The following KATNBL1 variants were observed in gnomAD, a reference collection of about 807,000 sequenced individuals.
KATNBL1 encodes KATNB1-like protein 1.
Under a neutral mutation model 44.7 loss-of-function variants are expected in KATNBL1, and 28 were observed. The ratio of observed to expected loss-of-function variants is 0.63; its 90% CI spans 0.46 to 0.86. The LOEUF (loss-of-function observed/expected upper bound fraction) is 0.86. Ranked by LOEUF, KATNBL1 falls within the 40% of genes least tolerant of loss-of-function variation. KATNBL1 has a pLI of 0.00. For synonymous variants in KATNBL1, 78 were observed against 114.9 expected (o/e 0.68, Z 2.06); for missense variants, 272 against 350.7 (o/e 0.78, Z 1.79).
At chr15:34,164,624 C>T (rs1888910310) in intron 1 of KATNBL1, among the ~76,000 whole-genome samples, 1 of 152,116 alleles carries the variant, frequency 6.6e-6, no homozygotes, top group African/African-American at 2.4e-5. Context: ...ATTTATATAA[C>T]AGAAGAAATT....
At chr15:34,146,915 A>G in intron 7 of KATNBL1, 65 bp from the exon 8 acceptor site, 1 of 1,025,432 alleles carries the variant, frequency 9.8e-7, no homozygotes, top group Non-Finnish European at 1.5e-6. Context: ...ATAAAAGATG[A>G]TACTTTCCCT....
intron 1 of KATNBL1, among the ~76,000 whole-genome samples, chr15:34,168,696 A>G (rs1371944796): frequency 6.6e-6 from 1 of 152,192 alleles, no homozygotes; most frequent in Non-Finnish European, 1.5e-5. Flanking sequence ...GAAGTAAAGC[A>G]CTCCTCAGGA....
At chr15:34,176,059 T>C (rs1182919932) in intron 1 of KATNBL1, among the ~76,000 whole-genome samples, 1 of 152,136 alleles carries the variant, frequency 6.6e-6, no homozygotes, top group Non-Finnish European at 1.5e-5. Context: ...TGTATCTGTA[T>C]GGAATTTTAT....
chr15:34,172,410 C>T (rs1362479121), intron 1 of KATNBL1, among the ~76,000 whole-genome samples: 1 of 151,898 alleles, frequency 6.6e-6, no homozygotes, highest in African/African-American at 2.4e-5. Context: ...GCTCCCGTCA[C>T]CATGCCTGGC....
chr15:34,180,303 T>C (rs1889480248), intron 1 of KATNBL1, among the ~76,000 whole-genome samples: 1 of 151,998 alleles, frequency 6.6e-6, no homozygotes, highest in African/African-American at 2.4e-5. Flanking sequence ...TAAACCTATA[T>C]AGGAGCCTTT....
intron 1 of KATNBL1, among the ~76,000 whole-genome samples, chr15:34,174,752 T>C (rs1389236977): frequency 6.6e-6 from 1 of 152,074 alleles, no homozygotes; most frequent in Non-Finnish European, 1.5e-5. Context: ...CCTCTCGCAT[T>C]CAAGCGATTC....
chr15:34,208,519 T>C (rs1890351829), intron 1 of KATNBL1: 2 of 152,220 alleles, frequency 1.3e-5, no homozygotes, highest in African/African-American at 4.8e-5. Flanking sequence ...TCAATAAGTT[T>C]TAGGGATGAA....
intron 1 of KATNBL1, among the ~76,000 whole-genome samples, chr15:34,164,723 T>G (rs1446869053): frequency 6.6e-6 from 1 of 152,254 alleles, no homozygotes; most frequent in Non-Finnish European, 1.5e-5. Flanking sequence ...ATTCTTTCTT[T>G]AAACATCTAC....
At chr15:34,181,749 CAT>C (rs1417234277) in intron 1 of KATNBL1, among the ~76,000 whole-genome samples, 4 of 111,104 alleles carry the variant, frequency 3.6e-5, no homozygotes, top group South Asian at 3.0e-4. Flanking sequence ...TATATATGTC[CAT>C]ATATATATCC....
chr15:34,176,090 A>C (rs755155820), intron 1 of KATNBL1, among the ~76,000 whole-genome samples: 8 of 152,074 alleles, frequency 5.3e-5, no homozygotes, highest in Non-Finnish European at 8.8e-5. Flanking sequence ...AAAGGAATGA[A>C]GTGGCCAGGC....
chr15:34,181,794 A>ATG (rs370773426), intron 1 of KATNBL1, among the ~76,000 whole-genome samples: 1,158 of 80,154 alleles, frequency 0.014, 284 homozygotes, highest in African/African-American at 0.054. Flanking sequence ...CCATATATAT[A>ATG]TCCATATATA....
At chr15:34,150,672 T>C (rs1305108806) in intron 4 of KATNBL1, among the ~76,000 whole-genome samples, 1 of 152,184 alleles carries the variant, frequency 6.6e-6, no homozygotes, top group Non-Finnish European at 1.5e-5. Context: ...GTTTGCATGT[T>C]GTGGGGGTTT....
intron 1 of KATNBL1, among the ~76,000 whole-genome samples, chr15:34,181,813 TAC>T (rs1491220349): frequency 0.019 from 1,441 of 74,870 alleles, 322 homozygotes; most frequent in Non-Finnish European, 0.025. Flanking sequence ...TATACATATA[TAC>T]ATGTCCATAT....
intron 1 of KATNBL1, among the ~76,000 whole-genome samples, chr15:34,169,155 G>T (rs1889078337): frequency 6.6e-6 from 1 of 152,148 alleles, no homozygotes; most frequent in Non-Finnish European, 1.5e-5. Flanking sequence ...CCAGGAGCTG[G>T]TTTTTTGAAA....
At chr15:34,166,455 C>A (rs1206916562) in intron 1 of KATNBL1, among the ~76,000 whole-genome samples, 1 of 152,266 alleles carries the variant, frequency 6.6e-6, no homozygotes, top group Non-Finnish European at 1.5e-5. Flanking sequence ...CTGGGCAGAG[C>A]CCACTGCAGC....
At chr15:34,198,965 G>C (rs1890096071) in intron 1 of KATNBL1, among the ~76,000 whole-genome samples, 1 of 152,142 alleles carries the variant, frequency 6.6e-6, no homozygotes, top group Non-Finnish European at 1.5e-5. Context: ...TTACCATTTT[G>C]AAAGAATGTG....
intron 1 of KATNBL1, among the ~76,000 whole-genome samples, chr15:34,185,935 C>T (rs528935354): frequency 6.6e-6 from 1 of 152,240 alleles, no homozygotes; most frequent in Admixed American, 6.5e-5. Context: ...ATGATACTGT[C>T]TGAGAGTCCT....
In KATNBL1 at chr15:34,187,204, G is replaced by A. The variant is rs139080684; in HGVS notation, c.-15+22747C>T. Among the ~76,000 whole-genome samples the A allele has an allele frequency of 2.3e-3, 350 of 152,312 alleles. 2 individuals are homozygous for A. The highest frequency in any genetic ancestry group is 2.9e-3 in the Non-Finnish European group (195 of 68,022). On this transcript the variant is annotated intron_variant, in intron 1 of 9. Coordinates refer to ENST00000256544, the MANE Select transcript of KATNBL1 (RefSeq NM_024713.3). ...GCGGAAGAGAGAAGCTGCCCTATCT[G>A]CTGAGCGCTTCAGAGACCTGCAGAG... is the stretch of plus-strand genomic sequence containing the variant.
chr15:34,183,604 A>C (rs1320313000), intron 1 of KATNBL1, among the ~76,000 whole-genome samples: 1 of 152,190 alleles, frequency 6.6e-6, no homozygotes, highest in African/African-American at 2.4e-5. Flanking sequence ...AGAAAGAAAA[A>C]CCTGCAGACA....
Sources: gnomAD v4.1 joint callset for allele counts (sites outside exome capture counted in the v4.1 genomes callset) on GRCh38, gnomAD v4.1.1 for gene constraint, MANE v1.5 for transcripts, NCBI Gene and HGNC (gene_info 2026-07-23, HGNC 2026-07-21) for gene names.